The following DOCK8 variants were observed in gnomAD, a reference collection of about 807,000 sequenced individuals.
DOCK8 encodes the protein dedicator of cytokinesis protein 8.
DOCK8 carries 141 observed loss-of-function variants against 245.6 expected under a neutral mutation model. The observed-to-expected ratio is 0.57, with a 90% CI of 0.50 to 0.66. The LOEUF (loss-of-function observed/expected upper bound fraction) is 0.66. Among genes scored for constraint, DOCK8 ranks in the 30% least tolerant of loss-of-function variants. The pLI is 0.00. For missense variants in DOCK8, 2,965 were observed against 2,603.4 expected (o/e 1.14, Z -3.02); for synonymous variants, 1,168 against 970.2 (o/e 1.20, Z -3.79).
At chr9:306,946 C>T (rs1290315308) in intron 5 of DOCK8, among the ~76,000 whole-genome samples, 4 of 152,138 alleles carry the variant, frequency 2.6e-5, no homozygotes, top group Admixed American at 2.6e-4. Context: ...GAAGCCTGGA[C>T]TCACGCCTCA....
intron 1 of DOCK8, among the ~76,000 whole-genome samples, chr9:232,402 T>G (rs2047137594): frequency 6.6e-6 from 1 of 152,230 alleles, no homozygotes; most frequent in Non-Finnish European, 1.5e-5. Context: ...AGGATGATGC[T>G]GGCCTCATCA....
Position 283,520 on chromosome 9 carries a change from A to G in DOCK8, c.157-2941A>G, listed in dbSNP as rs866960023. Among the ~76,000 whole-genome samples the G allele has an allele frequency of 2.6e-5, 4 of 152,276 alleles. No homozygotes were observed. In the South Asian group the frequency reaches 8.3e-4, roughly 32 times the overall value. Reference sequence around the variant, plus strand: ...CACCCAAATAGCATCCATTGTATTCATTCAGGAATCTAGCATCCCTCACCC... The same window carrying G: ...CACCCAAATAGCATCCATTGTATTCGTTCAGGAATCTAGCATCCCTCACCC... On this transcript the variant is annotated intron_variant, in intron 2 of 47. Coordinates refer to ENST00000432829, the MANE Select transcript of DOCK8 (RefSeq NM_203447.4).
chr9:338,970 G>T (rs775695943), intron 12 of DOCK8, 36 bp from the exon 13 acceptor site: 1 of 1,564,766 alleles, frequency 6.4e-7, no homozygotes, highest in African/African-American at 1.4e-5. Flanking sequence ...AGAGTCAAAG[G>T]TGCATCTACA....
At chr9:259,354 T>C (rs1232846081) in intron 1 of DOCK8, among the ~76,000 whole-genome samples, 1 of 152,170 alleles carries the variant, frequency 6.6e-6, no homozygotes, top group East Asian at 1.9e-4. Flanking sequence ...CTGTGAATAG[T>C]AGTATTTCCT....
rs138564453 is a variant in DOCK8 at position 257,096 on chromosome 9, C to T, written c.54-14531C>T. Among the ~76,000 whole-genome samples the T allele has an allele frequency of 1.3e-4, 20 of 152,282 alleles. No individual in the cohort carries two copies. In the East Asian group the frequency reaches 2.1e-3, roughly 16 times the overall value. On this transcript the variant is annotated intron_variant, in intron 1 of 47. Transcript: ENST00000432829. ...ATAGCTTCATAACTTTGGAACAGTG[C>T]AGTGTCTTTGGTTTAAGAAGCATTG... is the stretch of plus-strand genomic sequence containing the variant.
intron 1 of DOCK8, among the ~76,000 whole-genome samples, chr9:261,770 A>G (rs966351438): frequency 2.0e-5 from 3 of 152,070 alleles, no homozygotes; most frequent in Non-Finnish European, 4.4e-5. Flanking sequence ...TTTTGAGCCT[A>G]TATTACTTGG....
intron 24 of DOCK8, among the ~76,000 whole-genome samples, chr9:394,946 C>T (rs975576408): frequency 6.6e-6 from 1 of 152,166 alleles, no homozygotes; most frequent in African/African-American, 2.4e-5. Flanking sequence ...GATGGCCAAA[C>T]TCAGCAGACA....
intron 1 of DOCK8, among the ~76,000 whole-genome samples, chr9:218,186 T>A (rs190407092): frequency 4.6e-5 from 7 of 152,190 alleles, no homozygotes; most frequent in Non-Finnish European, 1.0e-4. Context: ...ATATGGCCAT[T>A]AGTACATTCA....
intron 18 of DOCK8, among the ~76,000 whole-genome samples, chr9:375,159 A>T (rs1055004093): frequency 2.6e-5 from 4 of 152,280 alleles, no homozygotes; most frequent in Middle Eastern, 6.8e-3. Context: ...GCTAGAGCCC[A>T]CTTTGGGCCC....
chr9:218,301 A>C (rs1171079132), intron 1 of DOCK8, among the ~76,000 whole-genome samples: 1 of 152,238 alleles, frequency 6.6e-6, no homozygotes, highest in Non-Finnish European at 1.5e-5. Context: ...GAAGTATTCA[A>C]ATCTGATATA....
At chr9:367,289 C>G (rs1033114635) in intron 14 of DOCK8, among the ~76,000 whole-genome samples, 4 of 152,174 alleles carry the variant, frequency 2.6e-5, no homozygotes, top group African/African-American at 9.7e-5. Context: ...TTACTTAATA[C>G]TCCTGTGTCC....
Position 377,033 on chromosome 9 carries a change from C to T in DOCK8, c.2262C>T (p.Thr754=). 1 of 1,614,014 alleles carries T rather than the reference C, an allele frequency of 6.2e-7. No individual in the cohort carries two copies. The highest frequency in any genetic ancestry group is 8.5e-7 in the Non-Finnish European group (1 of 1,180,002). The change falls in exon 20 of 48, where the codon ACC becomes ACT. Residue 754 remains threonine (T), a synonymous_variant. Coordinates refer to ENST00000432829, the MANE Select transcript of DOCK8 (RefSeq NM_203447.4). ...TLCHSLESQV[T]FPIRVLDQKI... is the part of the protein sequence containing the mutation. Reference sequence around the variant, plus strand: ...GCCACTCCCTGGAGAGCCAGGTGACCTTCCCCATCCGCGTGCTGGATCAGA... The same window carrying T: ...GCCACTCCCTGGAGAGCCAGGTGACTTTCCCCATCCGCGTGCTGGATCAGA...
chr9:323,702 A>G (rs1586698481), intron 7 of DOCK8, among the ~76,000 whole-genome samples: 2 of 152,076 alleles, frequency 1.3e-5, no homozygotes, highest in East Asian at 1.9e-4. Flanking sequence ...CTCCCATTCT[A>G]CTTTCTGCCT....
intron 1 of DOCK8, among the ~76,000 whole-genome samples, chr9:261,982 G>A (rs2047926816): frequency 8.3e-6 from 1 of 121,172 alleles, no homozygotes; most frequent in South Asian, 2.7e-4. Flanking sequence ...TTTAAAATGT[G>A]TCAAAAGAAA....
intron 1 of DOCK8, among the ~76,000 whole-genome samples, chr9:245,948 G>A (rs955919244): frequency 2.6e-5 from 4 of 152,188 alleles, no homozygotes; most frequent in Non-Finnish European, 4.4e-5. Flanking sequence ...GGCTGGGCAT[G>A]GTGGCTCACA....
At chr9:287,173 A>G (rs1294307674) in intron 3 of DOCK8, among the ~76,000 whole-genome samples, 2 of 152,188 alleles carry the variant, frequency 1.3e-5, no homozygotes, top group African/African-American at 2.4e-5. Context: ...CCCTCCTTTA[A>G]AGAAAGTGTC....
intron 4 of DOCK8, among the ~76,000 whole-genome samples, chr9:303,827 C>T (rs1022347628): frequency 6.6e-6 from 1 of 152,180 alleles, no homozygotes; most frequent in African/African-American, 2.4e-5. Context: ...GATAAGATAT[C>T]CCGTATCCTC....
chr9:266,506 G>A (rs1025727317), intron 1 of DOCK8, among the ~76,000 whole-genome samples: 1 of 152,082 alleles, frequency 6.6e-6, no homozygotes, highest in Non-Finnish European at 1.5e-5. Flanking sequence ...TATACCACAA[G>A]AGATGCTAAT....
In DOCK8 at chr9:314,026, G is replaced by C. The variant is rs150168860; in HGVS notation, c.741+1860G>C. ...TAAAAAGCAACAATTAGGCTAAAGA[G>C]CTTTTTCAAGATTCAACAGATAAAT... On this transcript the variant is annotated intron_variant, in intron 6 of 47. Transcript: ENST00000432829. Among the ~76,000 whole-genome samples the C allele has an allele frequency of 4.2e-3, 647 of 152,292 alleles. 3 individuals are homozygous for C. Among genetic ancestry groups the C allele is most frequent in the Non-Finnish European group, 6.9e-3 (469 of 68,024 alleles).
Sources: gnomAD v4.1 joint callset for allele counts (sites outside exome capture counted in the v4.1 genomes callset) on GRCh38, gnomAD v4.1.1 for gene constraint, MANE v1.5 for transcripts, NCBI Gene and HGNC (gene_info 2026-07-23, HGNC 2026-07-21) for gene names.